The following WDR82 variants were observed in gnomAD, a reference collection of about 807,000 sequenced individuals.
WDR82 encodes the protein WD repeat-containing protein 82.
Under a neutral mutation model 36.1 loss-of-function variants are expected in WDR82, and 8 were observed. That is an observed-to-expected ratio of 0.22 (90% CI 0.13 to 0.40). The LOEUF is 0.40. Among genes scored for constraint, WDR82 ranks in the 10% least tolerant of loss-of-function variants. The pLI, the probability that WDR82 is intolerant of heterozygous loss-of-function variation, is 1.00. For missense variants in WDR82, 185 were observed against 400.5 expected, an observed-to-expected ratio of 0.46 and a Z score of 4.59; for synonymous variants, 129 against 137.8, an observed-to-expected ratio of 0.94 and a Z score of 0.45.
At position 52,276,505 on chromosome 3, in the gene WDR82, C is replaced by T. The variant is rs547747181; in HGVS notation, c.161+1696G>A. ...GGTCATCCTTCCCAAATCAAAATTA[C>T]GCCAAATTTGGGGACAAACTGCAAA... is the stretch of plus-strand genomic sequence containing the variant. On this transcript the variant is annotated intron_variant, in intron 1 of 8. Transcript: ENST00000296490. 7.0e-4 allele frequency among the ~76,000 whole-genome samples: 107 copies of T among 152,006 alleles called. 3 individuals are homozygous for T. Among genetic ancestry groups the T allele is most frequent in the South Asian group, 8.3e-4 (4 of 4,810 alleles).
At chr3:52,259,162 GAAAT>G in intron 7 of WDR82, 31 bp downstream of exon 7, 1 of 1,574,646 alleles carries the variant, frequency 6.4e-7, no homozygotes, top group Non-Finnish European at 8.7e-7. Flanking sequence ...TAGTACCAGA[GAAAT>G]AACCCCCACA....
chr3:52,259,304 G>A, intron 6 of WDR82, 38 bp from the exon 7 acceptor site: 1 of 1,602,448 alleles, frequency 6.2e-7, no homozygotes, highest in East Asian at 2.2e-5. Context: ...TTCTTACAGA[G>A]CCATTAATAA....
In WDR82 at chr3:52,272,543, CA is replaced by C. The variant is rs538212712; in HGVS notation, c.162-1735del. ...TGGGCAACAGAGCAAGACTCCATCT[CA>C]AAAAAAAAAAAAAGAAAAATAAAAA... On this transcript the variant is annotated intron_variant, in intron 1 of 8. Transcript: ENST00000296490. Among the ~76,000 whole-genome samples, 209 of 100,182 alleles carry C rather than the reference CA, an allele frequency of 2.1e-3. 1 individual carries two copies. The highest frequency in any genetic ancestry group is 3.3e-3 in the Admixed American group (30 of 9,214). The allele number at this position is 100,182 out of a possible 152,430, so 65.7% of individuals were successfully genotyped here. A position where few individuals can be genotyped will look rare whatever the true frequency, so the allele number is the denominator to read the frequency against.
rs542261547 is a variant in WDR82 at position 52,271,702 on chromosome 3, C to T, written c.162-893G>A. ...GAAGACATCCATCCTTCCTATCCTA[C>T]AGGTCAAAAGCGCTTGCTGAGCCTT... On this transcript the variant is annotated intron_variant, in intron 1 of 8. Coordinates refer to ENST00000296490, the MANE Select transcript of WDR82 (RefSeq NM_025222.4). 7.9e-5 allele frequency among the ~76,000 whole-genome samples: 12 copies of T among 152,284 alleles called. 1 individual carries two copies. In the South Asian group the frequency reaches 2.5e-3, roughly 32 times the overall value.
rs991812193 is a variant in WDR82, at chr3:52,265,125, C to G, written c.326+1827G>C. On this transcript the variant is annotated intron_variant, in intron 3 of 8. Transcript: ENST00000296490. ...ACCATCCTGGGTAACACGGTAAAAC[C>G]CCATCTCTACTAAAAATACAAAAAA... 3.3e-5 allele frequency among the ~76,000 whole-genome samples: 5 copies of G among 151,144 alleles called. No individual in the cohort carries two copies. In the East Asian group the frequency reaches 9.8e-4, roughly 30 times the overall value.
intron 2 of WDR82, chr3:52,268,270 G>A (rs145909524): frequency 6.2e-5 from 29 of 469,130 alleles, no homozygotes; most frequent in African/African-American, 5.4e-4. Flanking sequence ...CAGCTGGCGC[G>A]CTGTTCCTGG....
intron 1 of WDR82, among the ~76,000 whole-genome samples, chr3:52,274,149 A>G (rs1191418116): frequency 1.3e-5 from 2 of 152,248 alleles, no homozygotes; most frequent in Admixed American, 6.5e-5. Flanking sequence ...ATATCACTCA[A>G]TGGGCGAACT....
chr3:52,265,566 CTTTTT>C (rs959125432), intron 3 of WDR82, among the ~76,000 whole-genome samples: 34 of 120,750 alleles, frequency 2.8e-4, no homozygotes, highest in Non-Finnish European at 5.0e-4. Flanking sequence ...GGAAGTGCAA[CTTTTT>C]TTTTTTTTTT....
intron 1 of WDR82, among the ~76,000 whole-genome samples, chr3:52,272,463 A>C (rs1348567410): frequency 2.0e-5 from 3 of 150,898 alleles, no homozygotes; most frequent in African/African-American, 7.4e-5. Context: ...AGAATCACTT[A>C]AGCCTGGGAG....
chr3:52,255,741 G>T lies in WDR82; in HGVS notation c.*1749C>A, dbSNP rs1700000146. Reference sequence around the variant, plus strand: ...TAACCCTATTGTGCCTCAGTTTCTGGATCTGCAAGGAGTGTTGCCTGCATA... The same window carrying T: ...TAACCCTATTGTGCCTCAGTTTCTGTATCTGCAAGGAGTGTTGCCTGCATA... On this transcript the variant is annotated 3_prime_UTR_variant, in exon 9 of 9. Transcript: ENST00000296490. The T allele has an allele frequency of 6.6e-6, 1 of 152,126 alleles. No homozygotes were observed. 9.4% of individuals were successfully genotyped at this position (152,126 alleles called of 1,614,324 possible).
intron 1 of WDR82, among the ~76,000 whole-genome samples, chr3:52,272,987 G>C (rs1700168082): frequency 6.6e-6 from 1 of 152,206 alleles, no homozygotes; most frequent in Non-Finnish European, 1.5e-5. Flanking sequence ...ACTTTGCCAA[G>C]TGCACTGTCT....
chr3:52,273,714 C>T (rs997872289), intron 1 of WDR82, among the ~76,000 whole-genome samples: 6 of 152,148 alleles, frequency 3.9e-5, no homozygotes, highest in African/African-American at 1.2e-4. Flanking sequence ...TCTGCGTCCC[C>T]GGTTCAAGCA....
chr3:52,278,092 C>T, intron 1 of WDR82, 109 bp downstream of exon 1: 1 of 1,266,516 alleles, frequency 7.9e-7, no homozygotes, highest in Non-Finnish European at 1.0e-6. Context: ...GGAACGCGTG[C>T]AAAATAGGCT....
At chr3:52,266,154 G>C (rs1377879363) in intron 3 of WDR82, among the ~76,000 whole-genome samples, 1 of 152,082 alleles carries the variant, frequency 6.6e-6, no homozygotes, top group African/African-American at 2.4e-5. Flanking sequence ...TTTAAAAAAA[G>C]GACTTTCTTT....
Position 52,255,802 on chromosome 3 carries a change from C to T in WDR82, c.*1688G>A, listed in dbSNP as rs1700000789. ...TAGGAACTTAGTAAAATGACATACT[C>T]CTCTCTCTGCTCTAAGAAGGCCATG... On this transcript the variant is annotated 3_prime_UTR_variant, in exon 9 of 9. Transcript: ENST00000296490. 1 of 152,182 alleles carries T rather than the reference C, an allele frequency of 6.6e-6. No individual in the cohort carries two copies. The highest frequency in any genetic ancestry group is 6.5e-5 in the Admixed American group (1 of 15,268). The allele number at this position is 152,182 out of a possible 1,614,324, so 9.4% of individuals were successfully genotyped here.
At chr3:52,276,213 C>T (rs1310729135) in intron 1 of WDR82, among the ~76,000 whole-genome samples, 2 of 152,106 alleles carry the variant, frequency 1.3e-5, no homozygotes, top group Non-Finnish European at 2.9e-5. Flanking sequence ...GCGGGTGGAT[C>T]ACTTGAGGTC....
At position 52,255,000 on chromosome 3, in the gene WDR82, T is replaced by C. The variant is rs1699992307; in HGVS notation, c.*2490A>G. Reference sequence around the variant, plus strand: ...TGTTGTTGCCCAGGCCGGAGTGCAATGGCACGATCTCAACTCACCGCAACC... The same window carrying C: ...TGTTGTTGCCCAGGCCGGAGTGCAACGGCACGATCTCAACTCACCGCAACC... On this transcript the variant is annotated 3_prime_UTR_variant, in exon 9 of 9. Transcript: ENST00000296490. 1 of 149,770 alleles carries C rather than the reference T, an allele frequency of 6.7e-6. No individual in the cohort carries two copies. 9.3% of individuals were successfully genotyped at this position (149,770 alleles called of 1,614,324 possible). A position where few individuals can be genotyped will look rare whatever the true frequency, so the allele number is the denominator to read the frequency against.
intron 3 of WDR82, among the ~76,000 whole-genome samples, chr3:52,261,879 C>T (rs7614727): frequency 0.52 from 79,586 of 151,936 alleles, 21,344 homozygotes; most frequent in African/African-American, 0.63. Context: ...AAAGTTACCA[C>T]GTGACCCAGA....
In WDR82 at chr3:52,255,726, G is replaced by A. The variant is rs1373343194; in HGVS notation, c.*1764C>T. 1.3e-5 allele frequency: 2 copies of A among 152,136 alleles called. No individual in the cohort carries two copies. The highest frequency in any genetic ancestry group is 1.5e-5 in the Non-Finnish European group (1 of 68,050). 9.4% of individuals were successfully genotyped at this position (152,136 alleles called of 1,614,324 possible). On this transcript the variant is annotated 3_prime_UTR_variant, in exon 9 of 9. Coordinates refer to ENST00000296490, the MANE Select transcript of WDR82 (RefSeq NM_025222.4). The stretch of plus-strand genomic sequence containing the variant: ...TTCTTGAGCAAGTCATAACCCTATT[G>A]TGCCTCAGTTTCTGGATCTGCAAGG...
Sources: gnomAD v4.1 joint callset for allele counts (sites outside exome capture counted in the v4.1 genomes callset) on GRCh38, gnomAD v4.1.1 for gene constraint, MANE v1.5 for transcripts, NCBI Gene and HGNC (gene_info 2026-07-23, HGNC 2026-07-21) for gene names.